FAAH2: variants seen among roughly 807,000 people sequenced by gnomAD.
FAAH2 encodes the protein fatty-acid amide hydrolase 2.
A neutral mutation model predicts 36.9 loss-of-function variants in FAAH2; 60 were observed. The ratio of observed to expected loss-of-function variants is 1.63; its 90% CI spans 1.32 to 2.02. The LOEUF (loss-of-function observed/expected upper bound fraction) is 2.02, where lower values mean the gene tolerates loss of function less well. FAAH2 is among the 30% of genes most tolerant of loss of function. The pLI is 0.00. For missense variants in FAAH2, 689 were observed against 397.5 expected (o/e 1.73, Z -6.23); for synonymous variants, 214 against 143.8 (o/e 1.49, Z -3.49).
intron 7 of FAAH2, among the ~76,000 whole-genome samples, chrX:57,414,058 T>G: frequency 8.9e-6 from 1 of 112,287 alleles, no homozygotes; most frequent in Non-Finnish European, 1.9e-5. Flanking sequence ...GCACATTGAT[T>G]TTGTATCCTG....
intron 7 of FAAH2, among the ~76,000 whole-genome samples, chrX:57,431,313 T>G (rs1007416261): frequency 8.9e-6 from 1 of 111,836 alleles, no homozygotes; most frequent in Non-Finnish European, 1.9e-5. Flanking sequence ...CTTCTGCTTC[T>G]TCTCAGAGCT....
At chrX:57,316,009 C>A (rs1328849276) in intron 3 of FAAH2, among the ~76,000 whole-genome samples, 1 of 111,779 alleles carries the variant, frequency 8.9e-6, no homozygotes, top group Non-Finnish European at 1.9e-5. Context: ...ATCCTAAAGA[C>A]TCCATCAAAA....
intron 10 of FAAH2, among the ~76,000 whole-genome samples, chrX:57,463,891 T>C (rs969110551): frequency 5.4e-5 from 6 of 111,605 alleles, no homozygotes; most frequent in Non-Finnish European, 1.1e-4. Flanking sequence ...GACCTAGCAA[T>C]CACAGTACAG....
chrX:57,450,133 G>T (rs1175436865), intron 10 of FAAH2, among the ~76,000 whole-genome samples: 1 of 111,101 alleles, frequency 9.0e-6, no homozygotes, highest in African/African-American at 3.3e-5. Flanking sequence ...TCCTCAGCTT[G>T]AGGCTTCCTA....
At chrX:57,443,692 G>A (rs2056612822) in intron 8 of FAAH2, among the ~76,000 whole-genome samples, 2 of 111,762 alleles carry the variant, frequency 1.8e-5, no homozygotes, top group South Asian at 7.5e-4. Flanking sequence ...GAGGTGCTCT[G>A]ATTTTTAGAA....
chrX:57,252,484 A>G, the FAAH2 span, among the ~76,000 whole-genome samples: 2 of 112,299 alleles, frequency 1.8e-5, no homozygotes, highest in East Asian at 5.7e-4. Flanking sequence ...GACACCTCCC[A>G]GTAGGGACTG....
At chrX:57,357,894 A>G (rs973480918) in intron 5 of FAAH2, among the ~76,000 whole-genome samples, 1 of 111,868 alleles carries the variant, frequency 8.9e-6, no homozygotes, top group Non-Finnish European at 1.9e-5. Flanking sequence ...ATGTATGTTT[A>G]TTGAAGCACT....
At chrX:57,144,334 A>T in the FAAH2 span, among the ~76,000 whole-genome samples, 1 of 97,388 alleles carries the variant, frequency 1.0e-5, no homozygotes, top group African/African-American at 3.8e-5. Context: ...ACATTCTTGT[A>T]TTTGGATATT....
the FAAH2 span, among the ~76,000 whole-genome samples, chrX:57,239,279 C>G: frequency 9.0e-6 from 1 of 111,210 alleles, no homozygotes; most frequent in African/African-American, 3.3e-5. Flanking sequence ...TACTGATGTT[C>G]ATTATTGATC....
rs778224604 is a variant in FAAH2 at position 57,440,208 on chromosome X, A to C, written c.1117-6720A>C. On this transcript the variant is annotated intron_variant, in intron 8 of 10. Coordinates refer to ENST00000374900, the MANE Select transcript of FAAH2 (RefSeq NM_174912.4). ...ACCTTGGGCAGTATGACCATTTTCAAAATATTGATTCTTCCTATCCATGAG... is the reference window on the plus strand; with the variant it reads ...ACCTTGGGCAGTATGACCATTTTCACAATATTGATTCTTCCTATCCATGAG... Among the ~76,000 whole-genome samples, 12 of 111,170 alleles carry C rather than the reference A, an allele frequency of 1.1e-4. No homozygotes were observed. The South Asian group carries it at 4.5e-3, about 42-fold the overall frequency.
the FAAH2 span, among the ~76,000 whole-genome samples, chrX:57,277,479 C>A: frequency 9.0e-6 from 1 of 111,721 alleles, no homozygotes; most frequent in Non-Finnish European, 1.9e-5. Flanking sequence ...ACTGAATGGG[C>A]AAACCTGGAA....
chrX:57,337,345 C>T (rs1308943703), intron 4 of FAAH2, among the ~76,000 whole-genome samples: 2 of 108,802 alleles, frequency 1.8e-5, no homozygotes, highest in Non-Finnish European at 3.8e-5. Flanking sequence ...GAGCTGATAC[C>T]ATTTCTACTG....
At chrX:57,452,931 C>T (rs1007111996) in intron 10 of FAAH2, among the ~76,000 whole-genome samples, 4 of 112,124 alleles carry the variant, frequency 3.6e-5, no homozygotes. Context: ...ACAAAACTTT[C>T]ACACTGGGTA....
chrX:57,321,543 TA>T (rs58567475), intron 3 of FAAH2, among the ~76,000 whole-genome samples: 56 of 110,366 alleles, frequency 5.1e-4, no homozygotes, highest in East Asian at 1.7e-3. Context: ...ATTTTTTAAT[TA>T]AAAAAATAGG....
chrX:57,136,789 A>C, the FAAH2 span: 1 of 365,794 alleles, frequency 2.7e-6, no homozygotes. Flanking sequence ...GCTGTGGGGA[A>C]GGGCTGGGGT....
At chrX:57,364,948 T>A (rs1439297953) in intron 5 of FAAH2, among the ~76,000 whole-genome samples, 1 of 111,632 alleles carries the variant, frequency 9.0e-6, no homozygotes, top group Admixed American at 9.5e-5. Flanking sequence ...TTAAAATTAG[T>A]TTGGATGTGT....
chrX:57,243,567 T>G, the FAAH2 span, among the ~76,000 whole-genome samples: 2 of 112,297 alleles, frequency 1.8e-5, no homozygotes, highest in East Asian at 5.7e-4. Flanking sequence ...CAGCAATCTT[T>G]GCCATTCTGC....
At chrX:57,322,085 C>T (rs2053042029) in intron 3 of FAAH2, among the ~76,000 whole-genome samples, 1 of 109,742 alleles carries the variant, frequency 9.1e-6, no homozygotes, top group Non-Finnish European at 1.9e-5. Flanking sequence ...TCACTGCAAG[C>T]TCTGCCTCCC....
chrX:57,306,994 G>C (rs747000837), intron 2 of FAAH2, among the ~76,000 whole-genome samples: 1 of 31,023 alleles, frequency 3.2e-5, no homozygotes, highest in African/African-American at 7.2e-5. Context: ...CACACACACA[G>C]ATACATATAT....
Sources: allele counts gnomAD v4.1 joint callset (sites outside exome capture counted in the v4.1 genomes callset), GRCh38; gene constraint gnomAD v4.1.1; transcripts MANE v1.5; gene names NCBI Gene and HGNC (gene_info 2026-07-23, HGNC 2026-07-21).